Variants in ANO3 observed in about 807,000 individuals in gnomAD.
ANO3 encodes the protein anoctamin-3.
ANO3 carries 99 observed loss-of-function variants against 144.8 expected under a neutral mutation model. The observed-to-expected ratio is 0.68, with a 90% CI of 0.58 to 0.81. The LOEUF (loss-of-function observed/expected upper bound fraction) is 0.81. Among genes scored for constraint, ANO3 ranks in the 30% least tolerant of loss-of-function variants. The pLI, the probability that ANO3 is intolerant of heterozygous loss-of-function variation, is 0.00. For missense variants in ANO3, 905 were observed against 1,202.2 expected, an observed-to-expected ratio of 0.75 and a Z score of 3.66; for synonymous variants, 414 against 392.6, an observed-to-expected ratio of 1.05 and a Z score of -0.64.
intron 1 of ANO3, among the ~76,000 whole-genome samples, chr11:26,249,297 T>G (rs1033727126): frequency 2.6e-5 from 4 of 152,170 alleles, no homozygotes; most frequent in Non-Finnish European, 4.4e-5. Flanking sequence ...AGCAACAGGT[T>G]ACTTAAAAAA....
intron 14 of ANO3, among the ~76,000 whole-genome samples, chr11:26,591,385 T>C (rs1407758869): frequency 6.6e-6 from 1 of 152,192 alleles, no homozygotes; most frequent in African/African-American, 2.4e-5. Context: ...TCCAGGGGTC[T>C]GCAGTAGATC....
chr11:26,230,756 T>A, intron 1 of ANO3, among the ~76,000 whole-genome samples: 1 of 115,650 alleles, frequency 8.6e-6, no homozygotes, highest in Admixed American at 1.2e-4. Context: ...GAGATCCCAC[T>A]ACTGCACTCC....
At chr11:26,564,720 CACACACACACACATAT>C (rs1850461578) in intron 14 of ANO3, among the ~76,000 whole-genome samples, 60 of 75,506 alleles carry the variant, frequency 7.9e-4, no homozygotes, top group African/African-American at 1.3e-3. Context: ...CACACACACA[CACACACACACACATAT>C]ATATATATAT....
rs1853882432 is a variant in ANO3, at chr11:26,661,688, T to A, written c.*1244T>A. The A allele has an allele frequency of 6.6e-6, 1 of 152,116 alleles. No homozygotes were observed. The highest frequency in any genetic ancestry group is 1.5e-5 in the Non-Finnish European group (1 of 67,996). The allele number at this position is 152,116 out of a possible 1,614,324, so 9.4% of individuals were successfully genotyped here. A position where few individuals can be genotyped will look rare whatever the true frequency, so the allele number is the denominator to read the frequency against. Reference sequence around the variant, plus strand: ...ACAACGCTCTAGAAACAAAGTCAAATTAATCACAAAAGACATAATTTTGCT... The same window carrying A: ...ACAACGCTCTAGAAACAAAGTCAAAATAATCACAAAAGACATAATTTTGCT... On this transcript the variant is annotated 3_prime_UTR_variant, in exon 27 of 27. Transcript: ENST00000256737.
At chr11:26,297,010 C>A (rs1854106482) in intron 1 of ANO3, among the ~76,000 whole-genome samples, 2 of 151,952 alleles carry the variant, frequency 1.3e-5, no homozygotes, top group African/African-American at 4.8e-5. Flanking sequence ...GGTAGCCACA[C>A]CCAGGATAGC....
chr11:26,347,333 T>C (rs1016370162), intron 1 of ANO3, among the ~76,000 whole-genome samples: 3 of 152,242 alleles, frequency 2.0e-5, no homozygotes, highest in African/African-American at 7.2e-5. Context: ...AGTTAACGTT[T>C]CTTGATTATC....
intron 1 of ANO3, among the ~76,000 whole-genome samples, chr11:26,417,374 A>G (rs1242478989): frequency 1.3e-5 from 2 of 152,124 alleles, no homozygotes; most frequent in Non-Finnish European, 2.9e-5. Context: ...AATTCCTGAT[A>G]CTCACAAAAA....
rs576537769 is a variant in ANO3 at position 26,587,857 on chromosome 11, G to A, written c.1448-10508G>A. On this transcript the variant is annotated intron_variant, in intron 14 of 26. Coordinates refer to ENST00000256737, the MANE Select transcript of ANO3 (RefSeq NM_031418.4). The stretch of plus-strand genomic sequence containing the variant: ...TCTAGTCTCAGCTACTCAGGAGGCT[G>A]AGGCAAGAGAATCACTTGAACCCAA... Among the ~76,000 whole-genome samples, 7 of 151,166 alleles carry A rather than the reference G, an allele frequency of 4.6e-5. No individual in the cohort carries two copies. The South Asian group carries it at 1.3e-3, about 27-fold the overall frequency.
In ANO3 at chr11:26,375,014, G is replaced by A. The variant is rs545747154; in HGVS notation, c.46+42693G>A. Among the ~76,000 whole-genome samples the A allele has an allele frequency of 2.0e-5, 3 of 152,294 alleles. No individual in the cohort carries two copies. In the East Asian group the frequency reaches 5.8e-4, roughly 29 times the overall value. The stretch of plus-strand genomic sequence containing the variant: ...CTGCCTTGGCCTCCCAAAGTGCTGG[G>A]ATTACAGGCGTGAGCCACCATGCCT... On this transcript the variant is annotated intron_variant, in intron 1 of 26. Transcript: ENST00000256737.
Position 26,641,707 on chromosome 11 carries a change from T to A in ANO3, c.2142-189T>A, listed in dbSNP as rs78265906. 0.38 allele frequency among the ~76,000 whole-genome samples: 56,972 copies of A among 151,490 alleles called. 11,541 individuals carry two copies. The highest frequency in any genetic ancestry group is 0.48 in the South Asian group (2,320 of 4,792). On this transcript the variant is annotated intron_variant, in intron 21 of 26. Coordinates refer to ENST00000256737, the MANE Select transcript of ANO3 (RefSeq NM_031418.4). ...AGTTTTTCAAAAGATTTAAAAAAAA[T>A]TTTTTAAGATATTTAAGCTTTCAAA... is the stretch of plus-strand genomic sequence containing the variant.
At chr11:26,619,763 G>C (rs533093159) in intron 17 of ANO3, among the ~76,000 whole-genome samples, 5 of 152,172 alleles carry the variant, frequency 3.3e-5, no homozygotes, top group East Asian at 1.9e-4. Flanking sequence ...CACTGCGCCC[G>C]GCCAAAAAAC....
At chr11:26,656,001 G>T in intron 24 of ANO3, 124 bp from the exon 25 acceptor site, 1 of 746,134 alleles carries the variant, frequency 1.3e-6, no homozygotes. Flanking sequence ...GAGCTTGGTT[G>T]CTAAAAGTTT....
In ANO3 at chr11:26,663,136, C is replaced by T. The variant is rs947519658; in HGVS notation, c.*2692C>T. 1.3e-5 allele frequency: 2 copies of T among 152,046 alleles called. No individual in the cohort carries two copies. Among genetic ancestry groups the T allele is most frequent in the African/African-American group, 2.4e-5 (1 of 41,380 alleles). The allele number at this position is 152,046 out of a possible 1,614,324, so 9.4% of individuals were successfully genotyped here. A position where few individuals can be genotyped will look rare whatever the true frequency, so the allele number is the denominator to read the frequency against. On this transcript the variant is annotated 3_prime_UTR_variant, in exon 27 of 27. Coordinates refer to ENST00000256737, the MANE Select transcript of ANO3 (RefSeq NM_031418.4). The stretch of plus-strand genomic sequence containing the variant: ...GTTTGTAATTGTCTGAGTCTGTGCA[C>T]GTACTTTTAGATAAAATGCTGCTGA...
intron 1 of ANO3, among the ~76,000 whole-genome samples, chr11:26,289,201 T>C (rs1357950884): frequency 6.6e-6 from 1 of 151,968 alleles, no homozygotes; most frequent in Non-Finnish European, 1.5e-5. Flanking sequence ...AAAAAAAAAG[T>C]AGCAGGAAAC....
chr11:26,267,301 CAG>C (rs1461885908), intron 1 of ANO3, among the ~76,000 whole-genome samples: 1 of 152,004 alleles, frequency 6.6e-6, no homozygotes, highest in Non-Finnish European at 1.5e-5. Flanking sequence ...AGTATGTATG[CAG>C]AGTGTTTGTG....
chr11:26,362,142 G>A (rs1023456007), intron 1 of ANO3, among the ~76,000 whole-genome samples: 1 of 152,238 alleles, frequency 6.6e-6, no homozygotes, highest in East Asian at 1.9e-4. Context: ...CTCTTGATGA[G>A]TGAAATCGCA....
chr11:26,330,765 T>C (rs1037568207), upstream of ANO3, among the ~76,000 whole-genome samples: 2 of 152,242 alleles, frequency 1.3e-5, no homozygotes, highest in Admixed American at 6.5e-5. Context: ...CAAAGCTATA[T>C]TCCCCTCATT....
chr11:26,455,552 A>G lies in ANO3; in HGVS notation c.314-7478A>G, dbSNP rs188382836. Among the ~76,000 whole-genome samples, 1,261 of 152,286 alleles carry G rather than the reference A, an allele frequency of 8.3e-3. 13 individuals carry two copies. The highest frequency in any genetic ancestry group is 0.027 in the Middle Eastern group (8 of 294). Reference sequence around the variant, plus strand: ...ACATCTTCAAGGAGAACTACAAACCACTGCTCAATGAAATAAAAGAGGACA... The same window carrying G: ...ACATCTTCAAGGAGAACTACAAACCGCTGCTCAATGAAATAAAAGAGGACA... On this transcript the variant is annotated intron_variant, in intron 3 of 26. Coordinates refer to ENST00000256737, the MANE Select transcript of ANO3 (RefSeq NM_031418.4).
intron 24 of ANO3, among the ~76,000 whole-genome samples, chr11:26,650,049 A>G (rs935158098): frequency 2.0e-5 from 3 of 152,112 alleles, no homozygotes; most frequent in Non-Finnish European, 4.4e-5. Flanking sequence ...TTTCGTGTAG[A>G]TAGCGCCCGA....
Sources: gnomAD v4.1 joint callset for allele counts (sites outside exome capture counted in the v4.1 genomes callset) on GRCh38, gnomAD v4.1.1 for gene constraint, MANE v1.5 for transcripts, NCBI Gene and HGNC (gene_info 2026-07-23, HGNC 2026-07-21) for gene names.